ATXN2: variants seen among roughly 807,000 people sequenced by gnomAD.
The protein encoded by ATXN2 is ataxin-2.
Under a neutral mutation model 138.6 loss-of-function variants are expected in ATXN2, and 37 were observed. The ratio of observed to expected loss-of-function variants is 0.27; its 90% confidence interval spans 0.21 to 0.35. The LOEUF is 0.35. Ranked by LOEUF, ATXN2 falls within the 10% of genes least tolerant of loss-of-function variation. The pLI is 1.00. For synonymous variants in ATXN2, 549 were observed against 543.7 expected (o/e 1.01, Z -0.13); for missense variants, 1,216 against 1,480.3 (o/e 0.82, Z 2.93).
intron 5 of ATXN2, among the ~76,000 whole-genome samples, chr12:111,532,719 G>A (rs1880904178): frequency 6.6e-6 from 1 of 152,084 alleles, no homozygotes; most frequent in African/African-American, 2.4e-5. Context: ...AATTCTTTGA[G>A]AATCCACAGA....
rs183289224 is a variant in ATXN2, at chr12:111,557,421, C to T, written c.252-1502G>A. Among the ~76,000 whole-genome samples, 6 of 152,334 alleles carry T rather than the reference C, an allele frequency of 3.9e-5. No individual in the cohort carries two copies. In the East Asian group the frequency reaches 1.2e-3, roughly 29 times the overall value. On this transcript the variant is annotated intron_variant, in intron 1 of 24. Transcript: ENST00000673436. ...TCCTTTCATTTCTAACATTCTAATT[C>T]TGTAACTGTTTGCCTCAAACATGGC... is the stretch of plus-strand genomic sequence containing the variant.
chr12:111,485,068 CTGA>C, intron 18 of ATXN2, 194 bp downstream of exon 18: 1 of 513,992 alleles, frequency 1.9e-6, no homozygotes, highest in Non-Finnish European at 3.5e-6. Context: ...ATAATCACAA[CTGA>C]TGGGCATTTT....
chr12:111,488,844 G>A (rs2135702487), intron 14 of ATXN2, 64 bp from the exon 15 acceptor site: 1 of 1,344,458 alleles, frequency 7.4e-7, no homozygotes, highest in Admixed American at 2.3e-5. Flanking sequence ...TTTTTGCCAT[G>A]AGCACAAGCT....
intron 14 of ATXN2, among the ~76,000 whole-genome samples, chr12:111,496,493 G>A (rs1205916634): frequency 1.3e-5 from 2 of 151,880 alleles, no homozygotes; most frequent in African/African-American, 2.4e-5. Context: ...CCGAGATCGC[G>A]CCACTACACT....
At chr12:111,551,611 T>C (rs916874889) in intron 5 of ATXN2, among the ~76,000 whole-genome samples, 26 of 152,200 alleles carry the variant, frequency 1.7e-4, no homozygotes, top group Admixed American at 1.7e-3. Flanking sequence ...TATACTTTGA[T>C]TTCTTTCCAG....
At chr12:111,544,719 A>G (rs1182214243) in intron 5 of ATXN2, among the ~76,000 whole-genome samples, 1 of 152,192 alleles carries the variant, frequency 6.6e-6, no homozygotes, top group African/African-American at 2.4e-5. Context: ...ATAAACATAA[A>G]AAATACAGAA....
intron 5 of ATXN2, among the ~76,000 whole-genome samples, chr12:111,535,952 A>G (rs1881143385): frequency 6.8e-6 from 1 of 147,582 alleles, no homozygotes; most frequent in Admixed American, 6.7e-5. Context: ...GTGAGCCGAG[A>G]TCCCGCCACT....
At chr12:111,495,322 A>C (rs1471950320) in intron 14 of ATXN2, among the ~76,000 whole-genome samples, 1 of 151,832 alleles carries the variant, frequency 6.6e-6, no homozygotes, top group Non-Finnish European at 1.5e-5. Flanking sequence ...AAAAAAAAAA[A>C]AAAAACCAAA....
At chr12:111,568,278 C>CAA (rs1218698696) in intron 1 of ATXN2, among the ~76,000 whole-genome samples, 1 of 141,970 alleles carries the variant, frequency 7.0e-6, no homozygotes. Flanking sequence ...AAAAACAAAA[C>CAA]AAAAAAAAAA....
intron 1 of ATXN2, among the ~76,000 whole-genome samples, chr12:111,560,298 T>TA (rs1272237073): frequency 3.9e-5 from 6 of 152,086 alleles, no homozygotes; most frequent in Non-Finnish European, 7.4e-5. Flanking sequence ...CCATATTAGG[T>TA]ATTATAAGTA....
chr12:111,562,284 AAC>A (rs1000695380), intron 1 of ATXN2, among the ~76,000 whole-genome samples: 2 of 152,072 alleles, frequency 1.3e-5, no homozygotes, highest in African/African-American at 4.8e-5. Context: ...AGTTTTAAAA[AAC>A]AGTCAGGTGT....
At chr12:111,467,809 C>T (rs1048716403) in intron 20 of ATXN2, among the ~76,000 whole-genome samples, 1 of 152,158 alleles carries the variant, frequency 6.6e-6, no homozygotes, top group African/African-American at 2.4e-5. Context: ...ATCATCTGTA[C>T]CTCAAACACA....
intron 18 of ATXN2, among the ~76,000 whole-genome samples, chr12:111,472,604 G>C (rs12300759): frequency 3.9e-5 from 6 of 152,042 alleles, no homozygotes; most frequent in African/African-American, 1.4e-4. Context: ...AGTGTCGCTC[G>C]GTTGCCCAAG....
intron 21 of ATXN2, chr12:111,457,569 T>C (rs952395900): frequency 2.0e-5 from 10 of 509,846 alleles, no homozygotes; most frequent in Non-Finnish European, 3.4e-5. Context: ...GTTCATATAA[T>C]ACAGCTCTAC....
intron 5 of ATXN2, among the ~76,000 whole-genome samples, chr12:111,530,614 A>C (rs1216591870): frequency 6.6e-6 from 1 of 152,236 alleles, no homozygotes; most frequent in Non-Finnish European, 1.5e-5. Flanking sequence ...GGAGATCAAG[A>C]CCATCCTGGT....
intron 21 of ATXN2, among the ~76,000 whole-genome samples, chr12:111,463,223 C>A (rs1728981694): frequency 6.6e-6 from 1 of 152,190 alleles, no homozygotes; most frequent in South Asian, 2.1e-4. Context: ...ATTAATGGCA[C>A]AAATTTCTAA....
chr12:111,584,013 T>C (rs1884177117), intron 1 of ATXN2, among the ~76,000 whole-genome samples: 1 of 151,954 alleles, frequency 6.6e-6, no homozygotes, highest in Admixed American at 6.6e-5. Flanking sequence ...CAAAACTCTT[T>C]CTCAATCCTT....
chr12:111,562,720 C>CAAAAAAAAA (rs34625134), intron 1 of ATXN2, among the ~76,000 whole-genome samples: 1 of 55,992 alleles, frequency 1.8e-5, no homozygotes, highest in Non-Finnish European at 4.0e-5. Flanking sequence ...AACTCCATCT[C>CAAAAAAAAA]AAAAAAAAAA....
intron 14 of ATXN2, among the ~76,000 whole-genome samples, chr12:111,507,890 C>T (rs1879262409): frequency 6.6e-6 from 1 of 152,234 alleles, no homozygotes; most frequent in African/African-American, 2.4e-5. Flanking sequence ...GAAACATGTG[C>T]TGTGTCACTC....
Sources: gnomAD v4.1 joint callset for allele counts (sites outside exome capture counted in the v4.1 genomes callset) on GRCh38, gnomAD v4.1.1 for gene constraint, MANE v1.5 for transcripts, NCBI Gene and HGNC (gene_info 2026-07-23, HGNC 2026-07-21) for gene names.